PRKD1: variants seen among roughly 807,000 people sequenced by gnomAD.
PRKD1 encodes serine/threonine-protein kinase D1.
Under a neutral mutation model 95.9 loss-of-function variants are expected in PRKD1, and 63 were observed. The ratio of observed to expected loss-of-function variants is 0.66; its 90% CI spans 0.54 to 0.81. The LOEUF (loss-of-function observed/expected upper bound fraction) is 0.81, where lower values mean the gene tolerates loss of function less well. Among genes scored for constraint, PRKD1 ranks in the 30% least tolerant of loss-of-function variants. PRKD1 has a pLI of 0.00. For missense variants in PRKD1, 1,048 were observed against 1,165.3 expected (o/e 0.90, Z 1.47); for synonymous variants, 425 against 423.1 (o/e 1.00, Z -0.05).
intron 1 of PRKD1, among the ~76,000 whole-genome samples, chr14:29,742,226 G>T (rs1887010590): frequency 6.6e-6 from 1 of 152,160 alleles, no homozygotes; most frequent in South Asian, 2.1e-4. Context: ...GCTGTAGCAT[G>T]CAGGAGAGGA....
intron 15 of PRKD1, among the ~76,000 whole-genome samples, chr14:29,598,271 CTAAAATAAAA>C (rs199974379): frequency 0.44 from 57,872 of 131,404 alleles, 12,985 homozygotes; most frequent in South Asian, 0.57. Context: ...AGTGCTCTGT[CTAAAATAAAA>C]TAAAATAAAA....
intron 1 of PRKD1, among the ~76,000 whole-genome samples, chr14:29,747,331 A>G (rs1239200364): frequency 6.6e-6 from 1 of 152,206 alleles, no homozygotes; most frequent in Non-Finnish European, 1.5e-5. Flanking sequence ...AAGTTGGAAC[A>G]CCTGTACATT....
In PRKD1 at chr14:29,785,546, C is replaced by T. The variant is rs190007737; in HGVS notation, c.265-59872G>A. On this transcript the variant is annotated intron_variant, in intron 1 of 17. Coordinates refer to ENST00000331968, the MANE Select transcript of PRKD1 (RefSeq NM_002742.3). Reference sequence around the variant, plus strand: ...GACTTCCTCCTTTCCAATTTGGATGCTCTTTATTTCTTTTTCTTGACTGAT... The same window carrying T: ...GACTTCCTCCTTTCCAATTTGGATGTTCTTTATTTCTTTTTCTTGACTGAT... Among the ~76,000 whole-genome samples, 757 of 151,984 alleles carry T rather than the reference C, an allele frequency of 5.0e-3. 1 individual carries two copies. Among genetic ancestry groups the T allele is most frequent in the African/African-American group, 0.017 (718 of 41,460 alleles).
rs78041314 is a variant in PRKD1, at chr14:29,707,925, C to T, written c.403+17611G>A. ...GATTACTGACCCTTCCAAGACCTCT[C>T]AAAAATATCTGGCTAATGACATATC... On this transcript the variant is annotated intron_variant, in intron 2 of 17. Transcript: ENST00000331968. 5.6e-3 allele frequency among the ~76,000 whole-genome samples: 854 copies of T among 152,256 alleles called. 6 individuals carry two copies. The highest frequency in any genetic ancestry group is 0.019 in the African/African-American group (799 of 41,554).
chr14:29,778,132 C>T (rs1888860160), intron 1 of PRKD1, among the ~76,000 whole-genome samples: 1 of 152,104 alleles, frequency 6.6e-6, no homozygotes, highest in Non-Finnish European at 1.5e-5. Flanking sequence ...CTCTCTGGGA[C>T]ACATTTAAAG....
At chr14:29,667,236 G>A (rs1049725337) in intron 2 of PRKD1, among the ~76,000 whole-genome samples, 1 of 152,092 alleles carries the variant, frequency 6.6e-6, no homozygotes, top group Non-Finnish European at 1.5e-5. Context: ...CAATAAGCAC[G>A]AGTCTCAGTT....
chr14:29,597,770 A>T lies in PRKD1; in HGVS notation c.2167-12T>A, dbSNP rs3783299. 0.39 allele frequency: 628,146 copies of T among 1,602,002 alleles called. 126,300 individuals carry two copies. Among genetic ancestry groups the T allele is most frequent in the African/African-American group, 0.54 (40,230 of 74,566 alleles). On this transcript the variant is annotated splice_polypyrimidine_tract_variant and intron_variant, in intron 15 of 17. Coordinates refer to ENST00000331968, the MANE Select transcript of PRKD1 (RefSeq NM_002742.3). ...TCACAAAGTTTCACCTGTTGATGAA[A>T]GGATTTGCAGAAATACTCCGTTCAC...
chr14:29,654,082 ATTTT>A (rs964552365), intron 4 of PRKD1, among the ~76,000 whole-genome samples: 5 of 149,322 alleles, frequency 3.3e-5, no homozygotes, highest in South Asian at 2.1e-4. Flanking sequence ...TTGAATAACT[ATTTT>A]TTTTTTTAAA....
intron 7 of PRKD1, 44 bp from the exon 8 acceptor site, chr14:29,634,585 C>A (rs1008801512): frequency 6.2e-7 from 1 of 1,610,598 alleles, no homozygotes; most frequent in South Asian, 1.1e-5. Flanking sequence ...TTTTCAGGTA[C>A]ATTTTATGTA....
chr14:29,731,668 G>A lies in PRKD1; in HGVS notation c.265-5994C>T, dbSNP rs888994606. Among the ~76,000 whole-genome samples the A allele has an allele frequency of 2.0e-4, 31 of 152,000 alleles. No homozygotes were observed. In the East Asian group the frequency reaches 4.4e-3, roughly 22 times the overall value. On this transcript the variant is annotated intron_variant, in intron 1 of 17. Transcript: ENST00000331968. The stretch of plus-strand genomic sequence containing the variant: ...GTACATTTTCTTGAAGAATTTATCC[G>A]TTTCATAATATGTGGTGTCCCTCTT...
intron 16 of PRKD1, among the ~76,000 whole-genome samples, chr14:29,585,760 A>C (rs1892901989): frequency 6.6e-6 from 1 of 152,172 alleles, no homozygotes; most frequent in Non-Finnish European, 1.5e-5. Context: ...TGCCATGCAG[A>C]TTATGTTTAT....
chr14:29,762,680 C>G (rs1164592090), intron 1 of PRKD1, among the ~76,000 whole-genome samples: 1 of 152,232 alleles, frequency 6.6e-6, no homozygotes, highest in Non-Finnish European at 1.5e-5. Flanking sequence ...CAGACTCCCA[C>G]TAAGGCCCTT....
chr14:29,837,046 G>A (rs1891636563), intron 1 of PRKD1, among the ~76,000 whole-genome samples: 1 of 152,004 alleles, frequency 6.6e-6, no homozygotes, highest in African/African-American at 2.4e-5. Context: ...TCCTTACCCA[G>A]TAAGACATCT....
intron 1 of PRKD1, among the ~76,000 whole-genome samples, chr14:29,918,840 G>A (rs1247981112): frequency 6.6e-6 from 1 of 152,170 alleles, no homozygotes; most frequent in African/African-American, 2.4e-5. Flanking sequence ...CAATTGCTCA[G>A]GTTGAGAGAA....
At chr14:29,891,927 TCA>T (rs1445219139) in intron 1 of PRKD1, among the ~76,000 whole-genome samples, 2 of 152,174 alleles carry the variant, frequency 1.3e-5, no homozygotes, top group Non-Finnish European at 2.9e-5. Context: ...TTTTCCCTAC[TCA>T]CCTCTTAAAA....
At chr14:29,629,991 T>C (rs199750370) in intron 10 of PRKD1, among the ~76,000 whole-genome samples, 1 of 44,380 alleles carries the variant, frequency 2.3e-5, no homozygotes, top group African/African-American at 3.9e-5. Context: ...CCTCCTCCTC[T>C]TCTTCTTCTT....
intron 1 of PRKD1, among the ~76,000 whole-genome samples, chr14:29,826,969 C>A (rs1432940558): frequency 6.8e-6 from 1 of 147,088 alleles, no homozygotes; most frequent in Non-Finnish European, 1.5e-5. Context: ...AGTGAAGTAA[C>A]TCAGGAATGA....
intron 2 of PRKD1, among the ~76,000 whole-genome samples, chr14:29,714,336 TGCA>T (rs1305733454): frequency 6.6e-6 from 1 of 152,176 alleles, no homozygotes; most frequent in African/African-American, 2.4e-5. Context: ...AAGACATTTA[TGCA>T]GCCAACAAAC....
At chr14:29,735,390 G>A (rs1409401350) in intron 1 of PRKD1, among the ~76,000 whole-genome samples, 1 of 152,158 alleles carries the variant, frequency 6.6e-6, no homozygotes, top group Non-Finnish European at 1.5e-5. Context: ...TAAAATGCAG[G>A]ACTGTAATTA....
Sources: gnomAD v4.1 joint callset for allele counts (sites outside exome capture counted in the v4.1 genomes callset) on GRCh38, gnomAD v4.1.1 for gene constraint, MANE v1.5 for transcripts, NCBI Gene and HGNC (gene_info 2026-07-23, HGNC 2026-07-21) for gene names.